The following MAPK8IP2 variants were observed in gnomAD, a reference collection of about 807,000 sequenced individuals.
The protein encoded by MAPK8IP2 is mitogen-activated protein kinase 8 interacting protein 2, also known as C-Jun-amino-terminal kinase-interacting protein 2.
MAPK8IP2 carries 15 observed loss-of-function variants against 75.6 expected under a neutral mutation model. The ratio of observed to expected loss-of-function variants is 0.20; its 90% confidence interval spans 0.13 to 0.31. The LOEUF is 0.31. Ranked by LOEUF, MAPK8IP2 falls within the 10% of genes least tolerant of loss-of-function variation. The pLI, the probability that MAPK8IP2 is intolerant of heterozygous loss-of-function variation, is 1.00. For missense variants in MAPK8IP2, 1,089 were observed against 1,211.2 expected, an observed-to-expected ratio of 0.90 and a Z score of 1.50; for synonymous variants, 632 against 554.5, an observed-to-expected ratio of 1.14 and a Z score of -1.96.
rs2071032941 is a variant in MAPK8IP2, at chr22:50,605,463, T to G, written c.1841+20T>G. 1.2e-6 allele frequency: 2 copies of G among 1,612,816 alleles called. No homozygotes were observed. Among genetic ancestry groups the G allele is most frequent in the Non-Finnish European group, 8.5e-7 (1 of 1,179,592 alleles). Reference sequence around the variant, plus strand: ...GTTCAGGTACGGCCTCCCTCCTTGCTGGCGGTGGCCCCAGCCTCAGTCCCT... The same window carrying G: ...GTTCAGGTACGGCCTCCCTCCTTGCGGGCGGTGGCCCCAGCCTCAGTCCCT... On this transcript the variant is annotated intron_variant, in intron 6 of 11. Transcript: ENST00000329492.
In MAPK8IP2 at chr22:50,603,247, G is replaced by C. The variant is rs769183667; in HGVS notation, c.196G>C (p.Glu66Gln). The C allele has an allele frequency of 3.7e-6, 6 of 1,606,686 alleles. No individual in the cohort carries two copies. The highest frequency in any genetic ancestry group is 5.1e-6 in the Non-Finnish European group (6 of 1,177,874). ...EKDSLSLGRS[E>Q]QPHPICSFQD... ...GGACAGCCTCTCCCTGGGGCGCTCGGAGCAGCCGCACCCCATCTGCTCCTT... is the reference window on the plus strand; with the variant it reads ...GGACAGCCTCTCCCTGGGGCGCTCGCAGCAGCCGCACCCCATCTGCTCCTT... Residue 66 changes from glutamate to glutamine, a missense_variant, in exon 3 of 12, where the codon GAG (glutamate) becomes CAG (glutamine). Transcript: ENST00000329492.
chr22:50,605,194 TC>T, intron 5 of MAPK8IP2, 130 bp downstream of exon 5: 1 of 1,194,170 alleles, frequency 8.4e-7, no homozygotes, highest in Non-Finnish European at 1.2e-6. Flanking sequence ...GGGTGCCCTC[TC>T]CCACCCAGGA....
At position 50,607,979 on chromosome 22, in the gene MAPK8IP2, G is replaced by T. The variant is rs746482560; in HGVS notation, c.2303+988G>T. On this transcript the variant is annotated intron_variant, in intron 10 of 11. Coordinates refer to ENST00000329492, the MANE Select transcript of MAPK8IP2 (RefSeq NM_012324.6). The surrounding 1 kb of genome is among the most constrained non-coding windows in gnomAD (Gnocchi z 5.6). ...AGCACCCTAGAGGAAGGAGATCTGG[G>T]AGGAACCAGAGAGGCAGAGCCAGCC... Among the ~76,000 whole-genome samples, 1 of 152,296 alleles carries T rather than the reference G, an allele frequency of 6.6e-6. No homozygotes were observed. The highest frequency in any genetic ancestry group is 6.5e-5 in the Admixed American group (1 of 15,306).
Position 50,607,036 on chromosome 22 carries a change from C to T in MAPK8IP2, c.2303+45C>T. On this transcript the variant is annotated intron_variant, in intron 10 of 11. Coordinates refer to ENST00000329492, the MANE Select transcript of MAPK8IP2 (RefSeq NM_012324.6). This position sits in a 1 kb window ranked among gnomAD's most constrained non-coding sequence, Gnocchi z 5.6. ...CGAGTCCCCCAACCGCCCCCACAAA[C>T]CCTGAGAGTCCAACCGCCCCCTGAG... 2 of 1,529,908 alleles carry T rather than the reference C, an allele frequency of 1.3e-6. No homozygotes were observed. Among genetic ancestry groups the T allele is most frequent in the Non-Finnish European group, 9.1e-7 (1 of 1,104,032 alleles). The allele number at this position is 1,529,908 out of a possible 1,614,324, so 94.8% of individuals were successfully genotyped here.
intron 3 of MAPK8IP2, 22 bp from the exon 4 acceptor site, chr22:50,603,604 C>T (rs1333538803): frequency 1.3e-6 from 2 of 1,586,532 alleles, no homozygotes; most frequent in Non-Finnish European, 8.6e-7. Flanking sequence ...CTCAGGACCG[C>T]CGTCATGTAT....
At chr22:50,601,737 C>A in intron 1 of MAPK8IP2, 52 bp from the exon 2 acceptor site, 7 of 1,440,370 alleles carry the variant, frequency 4.9e-6, no homozygotes, top group Non-Finnish European at 5.9e-6. Flanking sequence ...GGGCCAGTTG[C>A]CAGGCAGGGA....
In MAPK8IP2 at chr22:50,604,316, G is replaced by A. The variant is rs966069123; in HGVS notation, c.1017G>A (p.Pro339=). The change falls in exon 5 of 12, where the codon CCG becomes CCA. Residue 339 remains proline (P), a synonymous_variant. Coordinates refer to ENST00000329492, the MANE Select transcript of MAPK8IP2 (RefSeq NM_012324.6). ...SEYESGSESE[P]DLSEDADSPW... ...ACGAGTCGGGGTCGGAGTCGGAGCC[G>A]GACCTCAGCGAGGACGCGGACTCGC... 7.8e-6 allele frequency: 12 copies of A among 1,542,978 alleles called. No homozygotes were observed. The African/African-American group carries it at 1.1e-4, about 14-fold the overall frequency.
In MAPK8IP2 at chr22:50,610,804, C is replaced by A; in HGVS notation, c.*25C>A. 2.5e-6 allele frequency: 4 copies of A among 1,576,258 alleles called. No homozygotes were observed. Among genetic ancestry groups the A allele is most frequent in the Non-Finnish European group, 3.4e-6 (4 of 1,159,664 alleles). On this transcript the variant is annotated 3_prime_UTR_variant, in exon 12 of 12. Transcript: ENST00000329492. The surrounding 1 kb of genome is among the most constrained non-coding windows in gnomAD (Gnocchi z 4.3). ...GCCTGCCCACCGCTCTGTCTCCTGG[C>A]CGTCTGCTCCAGGCGCAGCTGGGGC...
At chr22:50,600,931 AC>A (rs1196549591) in intron 1 of MAPK8IP2, 48 bp downstream of exon 1, 111 of 715,282 alleles carry the variant, frequency 1.6e-4, no homozygotes, top group South Asian at 6.4e-4. Context: ...CTCCCTGCGC[AC>A]CCCCCCGACC....
At chr22:50,603,759 G>A (rs1569063943) in intron 4 of MAPK8IP2, 40 bp downstream of exon 4, 2 of 1,545,474 alleles carry the variant, frequency 1.3e-6, no homozygotes, top group East Asian at 2.4e-5. Flanking sequence ...GGAAGCGGGG[G>A]AGGAGGGCAG....
Position 50,610,358 on chromosome 22 carries a change from G to A in MAPK8IP2, c.2402+48G>A, listed in dbSNP as rs772061215. The A allele has an allele frequency of 8.1e-6, 12 of 1,484,918 alleles. No individual in the cohort carries two copies. Among genetic ancestry groups the A allele is most frequent in the Non-Finnish European group, 1.0e-5 (11 of 1,085,382 alleles). The allele number at this position is 1,484,918 out of a possible 1,614,324, so 92.0% of individuals were successfully genotyped here. A position where few individuals can be genotyped will look rare whatever the true frequency, so the allele number is the denominator to read the frequency against. ...GGTGCAGAATGGGTGCAGGGTTACG[G>A]AGGTGGGGAGCGGAGGTGAGCAGGT... is the stretch of plus-strand genomic sequence containing the variant. On this transcript the variant is annotated intron_variant, in intron 11 of 11. Coordinates refer to ENST00000329492, the MANE Select transcript of MAPK8IP2 (RefSeq NM_012324.6). The surrounding 1 kb of genome is among the most constrained non-coding windows in gnomAD (Gnocchi z 4.3).
chr22:50,604,275 G>C lies in MAPK8IP2; in HGVS notation c.976G>C (p.Asp326His). 6.4e-7 allele frequency: 1 copy of C among 1,568,906 alleles called. No homozygotes were observed. Among genetic ancestry groups the C allele is most frequent in the Non-Finnish European group, 8.6e-7 (1 of 1,165,542 alleles). The change falls in exon 5 of 12, where the codon GAC becomes CAC. Residue 326 changes from aspartate (D) to histidine (H), a missense_variant. This residue lies in a region of MAPK8IP2 where 960 missense variants were observed against 1,009.6 expected (regional missense o/e 0.95). Coordinates refer to ENST00000329492, the MANE Select transcript of MAPK8IP2 (RefSeq NM_012324.6). ...CGCCTTCCTGCCCGTGGGCCCCGAC[G>C]ACACCAACAGCGAGTACGAGTCGGG... Reference protein sequence around the residue: ...RPAFLPVGPDDTNSEYESGSE... With the variant: ...RPAFLPVGPDHTNSEYESGSE...
chr22:50,601,179 C>T (rs996722791), intron 1 of MAPK8IP2: 1 of 156,720 alleles, frequency 6.4e-6, no homozygotes, highest in Admixed American at 6.4e-5. Context: ...TGGGCCGACC[C>T]TCTGCGGGGG....
chr22:50,607,051 C>CA lies in MAPK8IP2; in HGVS notation c.2303+60_2303+61insA. The CA allele has an allele frequency of 7.1e-7, 1 of 1,417,244 alleles. No homozygotes were observed. The highest frequency in any genetic ancestry group is 1.0e-6 in the Non-Finnish European group (1 of 1,002,028). The allele number at this position is 1,417,244 out of a possible 1,614,324, so 87.8% of individuals were successfully genotyped here. A position where few individuals can be genotyped will look rare whatever the true frequency, so the allele number is the denominator to read the frequency against. ...CCCCCACAAACCCTGAGAGTCCAAC[C>CA]GCCCCCTGAGTCCCCACAGACCCTG... On this transcript the variant is annotated intron_variant, in intron 10 of 11. Coordinates refer to ENST00000329492, the MANE Select transcript of MAPK8IP2 (RefSeq NM_012324.6). The surrounding 1 kb of genome is among the most constrained non-coding windows in gnomAD (Gnocchi z 5.6).
At position 50,613,951 on chromosome 22, in the gene MAPK8IP2, T is replaced by C. The variant is rs140510; in HGVS notation, c.*3172T>C. The C allele has an allele frequency of 0.43, 66,069 of 152,186 alleles. 15,689 individuals carry two copies. The highest frequency in any genetic ancestry group is 0.54 in the East Asian group (2,801 of 5,168). The allele number at this position is 152,186 out of a possible 1,614,324, so 9.4% of individuals were successfully genotyped here. A position where few individuals can be genotyped will look rare whatever the true frequency, so the allele number is the denominator to read the frequency against. On this transcript the variant is annotated 3_prime_UTR_variant, in exon 12 of 12. Transcript: ENST00000329492. The stretch of plus-strand genomic sequence containing the variant: ...CCGCCAATCTAGCCCAAGGATGGCG[T>C]TCTAAATAAAACGCGTTCTACAGAA...
chr22:50,600,870 C>T lies in MAPK8IP2; in HGVS notation c.52C>T (p.Pro18Ser). Residue 18 changes from proline to serine, a missense_variant, in exon 1 of 12, where the codon CCG becomes TCG. Coordinates refer to ENST00000329492, the MANE Select transcript of MAPK8IP2 (RefSeq NM_012324.6). ...FSLSTFHSLSPPGCRPPQDIS... is the reference protein window; with the variant it reads ...FSLSTFHSLSSPGCRPPQDIS... ...TCTCTCCACCTTCCACTCGCTGTCG[C>T]CGCCGGGCTGCAGGTACCCCCCTCG... 1 of 1,287,408 alleles carries T rather than the reference C, an allele frequency of 7.8e-7. No homozygotes were observed. The allele number at this position is 1,287,408 out of a possible 1,614,324, so 79.7% of individuals were successfully genotyped here.
chr22:50,609,888 C>T (rs2071118168), intron 10 of MAPK8IP2: 1 of 555,458 alleles, frequency 1.8e-6, no homozygotes, highest in South Asian at 1.4e-5. Context: ...AGTAGCCAGG[C>T]AGAGGCCTTG....
chr22:50,609,431 C>T (rs539326225), intron 10 of MAPK8IP2, among the ~76,000 whole-genome samples: 6 of 152,254 alleles, frequency 3.9e-5, no homozygotes, highest in East Asian at 1.9e-4. Context: ...TGTGGGTCGG[C>T]GCTTATTACC....
In MAPK8IP2 at chr22:50,604,161, G is replaced by A; in HGVS notation, c.862G>A (p.Gly288Ser). 1.9e-6 allele frequency: 3 copies of A among 1,551,478 alleles called. No homozygotes were observed. The highest frequency in any genetic ancestry group is 1.7e-6 in the Non-Finnish European group (2 of 1,157,352). ...LSSDGGSSSS[G>S]RSSHLTNSIE... ...CAGCGATGGCGGAAGCAGCAGCAGC[G>A]GCCGCTCCTCGCACCTCACCAACTC... The change falls in exon 5 of 12, where the codon GGC becomes AGC. Residue 288 changes from glycine to serine, a missense_variant. Gly to Ser is a moderately conservative substitution (Grantham distance 56). This residue lies in a region of MAPK8IP2 where 960 missense variants were observed against 1,009.6 expected (regional missense o/e 0.95). Coordinates refer to ENST00000329492, the MANE Select transcript of MAPK8IP2 (RefSeq NM_012324.6).
Sources: allele counts gnomAD v4.1 joint callset (sites outside exome capture counted in the v4.1 genomes callset), GRCh38; gene constraint gnomAD v4.1.1; regional missense constraint gnomAD v4.1.1; non-coding constraint Gnocchi (gnomAD v3.1); transcripts MANE v1.5; gene names NCBI Gene and HGNC (gene_info 2026-07-23, HGNC 2026-07-21).